OLFM3: variants seen among roughly 807,000 people sequenced by gnomAD.
OLFM3 encodes the protein olfactomedin 3, also known as noelin-3.
A neutral mutation model predicts 48.6 loss-of-function variants in OLFM3; 20 were observed. That is an observed-to-expected ratio of 0.41 (90% CI 0.29 to 0.60). The LOEUF (loss-of-function observed/expected upper bound fraction) is 0.60. Ranked by LOEUF, OLFM3 falls within the 20% of genes least tolerant of loss-of-function variation. The pLI, the probability that OLFM3 is intolerant of heterozygous loss-of-function variation, is 0.28. For synonymous variants in OLFM3, 222 were observed against 198.1 expected (o/e 1.12, Z -1.01); for missense variants, 437 against 544.3 (o/e 0.80, Z 1.96).
chr1:101,847,052 C>A (rs1484705466), intron 1 of OLFM3: 3 of 1,521,154 alleles, frequency 2.0e-6, no homozygotes, highest in African/African-American at 2.7e-5. Flanking sequence ...GTGACTGCAG[C>A]GCGCCACATC....
At chr1:101,986,498 C>T (rs577503082) in intron 1 of OLFM3, among the ~76,000 whole-genome samples, 58 of 152,172 alleles carry the variant, frequency 3.8e-4, no homozygotes, top group Non-Finnish European at 6.5e-4. Context: ...TTTCAATATC[C>T]TATTTAGTAT....
chr1:101,819,013 G>A (rs1017394981), intron 4 of OLFM3, among the ~76,000 whole-genome samples: 1 of 152,086 alleles, frequency 6.6e-6, no homozygotes, highest in Non-Finnish European at 1.5e-5. Flanking sequence ...AGGGTGTAAA[G>A]ATTTAAAACA....
At chr1:101,869,704 A>G (rs1488525659) in intron 1 of OLFM3, among the ~76,000 whole-genome samples, 1 of 152,138 alleles carries the variant, frequency 6.6e-6, no homozygotes. Flanking sequence ...TCCACATGTC[A>G]TGGGAGGGAC....
intron 4 of OLFM3, among the ~76,000 whole-genome samples, chr1:101,813,517 C>T (rs1358791593): frequency 3.9e-5 from 6 of 152,060 alleles, no homozygotes; most frequent in Admixed American, 3.3e-4. Context: ...TTCCTGCACA[C>T]GTGTCTTAAA....
chr1:101,833,079 A>G (rs778740785), intron 2 of OLFM3, among the ~76,000 whole-genome samples: 3 of 152,220 alleles, frequency 2.0e-5, no homozygotes, highest in Non-Finnish European at 2.9e-5. Context: ...TAATAATTCT[A>G]TGTACCTGGG....
chr1:101,996,806 G>T lies in OLFM3; in HGVS notation c.11C>A (p.Thr4Lys), dbSNP rs569772451. 5.7e-5 allele frequency: 92 copies of T among 1,614,208 alleles called. 2 individuals are homozygous for T. The South Asian group carries it at 7.1e-4, about 13-fold the overall frequency. MQA[T>K]SNLLNLLLLS... is the part of the protein sequence containing the mutation. The stretch of plus-strand genomic sequence containing the variant: ...CAGCAGGAGGTTGAGAAGGTTGGAC[G>T]TCGCCTGCATTCTGATCTGGGTTTT... The change falls in exon 1 of 6, where the codon ACG becomes AAG. Residue 4 changes from threonine (T) to lysine (K), a missense_variant. By Grantham distance (78) the Thr-to-Lys change is moderately conservative (BLOSUM62 -1). Around this residue, in one of 3 missense-constraint regions of OLFM3, gnomAD observed 314 missense variants for 365.5 expected, o/e 0.86. Transcript: ENST00000370103.
intron 1 of OLFM3, among the ~76,000 whole-genome samples, chr1:101,941,408 G>A (rs1659791667): frequency 6.6e-6 from 1 of 152,126 alleles, no homozygotes; most frequent in Non-Finnish European, 1.5e-5. Flanking sequence ...GGGTCTCCTG[G>A]CAATATGCCA....
At chr1:101,991,592 C>T (rs2101122686) in intron 1 of OLFM3, among the ~76,000 whole-genome samples, 1 of 151,914 alleles carries the variant, frequency 6.6e-6, no homozygotes, top group Middle Eastern at 3.4e-3. Context: ...CCTTTCACAT[C>T]TCTTTAATAC....
chr1:101,916,449 A>C (rs1242049381), intron 1 of OLFM3, among the ~76,000 whole-genome samples: 1 of 151,854 alleles, frequency 6.6e-6, no homozygotes, highest in Non-Finnish European at 1.5e-5. Flanking sequence ...ATGATCTAAG[A>C]CAGTTAATGT....
intron 1 of OLFM3, among the ~76,000 whole-genome samples, chr1:101,936,055 A>T (rs1244757686): frequency 1.3e-5 from 2 of 152,066 alleles, no homozygotes; most frequent in Non-Finnish European, 2.9e-5. Flanking sequence ...CCCTTAAGAA[A>T]TGAAATAAGA....
intron 1 of OLFM3, among the ~76,000 whole-genome samples, chr1:101,913,799 A>G (rs1164466845): frequency 6.6e-6 from 1 of 152,204 alleles, no homozygotes; most frequent in African/African-American, 2.4e-5. Flanking sequence ...ACTGGAAATC[A>G]TCTAAAAATT....
intron 1 of OLFM3, among the ~76,000 whole-genome samples, chr1:101,919,869 A>G (rs867517628): frequency 6.6e-6 from 1 of 152,272 alleles, no homozygotes; most frequent in South Asian, 2.1e-4. Context: ...AACTGAATTT[A>G]TTATTTCTGC....
At chr1:101,823,682 TA>T (rs1654714157) in intron 4 of OLFM3, among the ~76,000 whole-genome samples, 1 of 152,030 alleles carries the variant, frequency 6.6e-6, no homozygotes, top group Non-Finnish European at 1.5e-5. Flanking sequence ...CCTTTGGCAA[TA>T]ATGTGTACAA....
At chr1:101,928,729 T>A (rs1460297649) in intron 1 of OLFM3, among the ~76,000 whole-genome samples, 1 of 152,136 alleles carries the variant, frequency 6.6e-6, no homozygotes, top group Non-Finnish European at 1.5e-5. Flanking sequence ...ACCTACTATG[T>A]GTTTGGCACT....
intron 1 of OLFM3, among the ~76,000 whole-genome samples, chr1:101,887,157 G>A (rs1657795737): frequency 6.6e-6 from 1 of 151,186 alleles, no homozygotes; most frequent in African/African-American, 2.4e-5. Context: ...CTCCTGGTGA[G>A]TGAGGTTATA....
At chr1:101,852,392 T>A (rs144775333) in intron 1 of OLFM3, among the ~76,000 whole-genome samples, 2 of 152,196 alleles carry the variant, frequency 1.3e-5, no homozygotes, top group East Asian at 3.9e-4. Flanking sequence ...ATGGGCAGCA[T>A]TCATGTGAAT....
In OLFM3 at chr1:101,806,703, A is replaced by T. The variant is rs145053727; in HGVS notation, c.593-521T>A. ...ACAGTCTATAAGAATAAAACATTCA[A>T]TCACAGTCTATAAGAAAGAGGTAGA... On this transcript the variant is annotated intron_variant, in intron 4 of 5. Transcript: ENST00000370103. Among the ~76,000 whole-genome samples, 678 of 151,876 alleles carry T rather than the reference A, an allele frequency of 4.5e-3. 7 individuals carry two copies. Among genetic ancestry groups the T allele is most frequent in the African/African-American group, 0.016 (653 of 41,506 alleles).
chr1:101,900,853 T>A (rs1035889024), intron 1 of OLFM3, among the ~76,000 whole-genome samples: 3 of 152,088 alleles, frequency 2.0e-5, no homozygotes, highest in African/African-American at 7.2e-5. Flanking sequence ...CATCCTAAAA[T>A]ATTAACTTTA....
intron 1 of OLFM3, among the ~76,000 whole-genome samples, chr1:101,993,927 T>C (rs1661483644): frequency 6.9e-6 from 1 of 145,828 alleles, no homozygotes; most frequent in African/African-American, 2.5e-5. Context: ...TAAAATGCCA[T>C]ATAAGACCTG....
Sources: allele counts gnomAD v4.1 joint callset (sites outside exome capture counted in the v4.1 genomes callset), GRCh38; gene constraint gnomAD v4.1.1; regional missense constraint gnomAD v4.1.1; transcripts MANE v1.5; gene names NCBI Gene and HGNC (gene_info 2026-07-23, HGNC 2026-07-21).